Variants in UPB1 observed in about 807,000 individuals in gnomAD.
UPB1 encodes beta-ureidopropionase.
UPB1 carries 40 observed loss-of-function variants against 49.1 expected under a neutral mutation model. That is an observed-to-expected ratio of 0.81 (90% CI 0.63 to 1.06). The LOEUF is 1.06. Among genes scored for constraint, UPB1 ranks in the 50% least tolerant of loss-of-function variants. UPB1 has a pLI of 0.00. For missense variants in UPB1, 499 were observed against 505.9 expected, an observed-to-expected ratio of 0.99 and a Z score of 0.13; for synonymous variants, 207 against 198.2, an observed-to-expected ratio of 1.04 and a Z score of -0.38.
chr22:24,498,027 G>A (rs1302621283), intron 1 of UPB1, among the ~76,000 whole-genome samples: 2 of 152,128 alleles, frequency 1.3e-5, no homozygotes, highest in Non-Finnish European at 2.9e-5. Context: ...TAAACCACAT[G>A]AATTTATTCC....
At chr22:24,502,519 C>T (rs1170217708) in intron 3 of UPB1, 1 of 779,914 alleles carries the variant, frequency 1.3e-6, no homozygotes, top group Non-Finnish European at 2.4e-6. Flanking sequence ...CAGCTGGTCT[C>T]CTGTGCCCTC....
chr22:24,497,077 G>T (rs1384588313), intron 1 of UPB1, among the ~76,000 whole-genome samples: 1 of 152,080 alleles, frequency 6.6e-6, no homozygotes, highest in East Asian at 1.9e-4. Flanking sequence ...GTTTTTCAAC[G>T]GGAGAGACTC....
At chr22:24,507,030 C>A (rs1281809892) in intron 3 of UPB1, among the ~76,000 whole-genome samples, 1 of 152,128 alleles carries the variant, frequency 6.6e-6, no homozygotes, top group Non-Finnish European at 1.5e-5. Flanking sequence ...GCATGTGGAA[C>A]CTCGTCCCCT....
intron 5 of UPB1, 25 bp downstream of exon 5, chr22:24,513,510 C>G (rs369558426): frequency 1.2e-6 from 2 of 1,610,530 alleles, no homozygotes; most frequent in East Asian, 2.2e-5. Context: ...AGATAGATAA[C>G]CAGCCCTGCT....
At chr22:24,511,614 A>ATTT (rs202129656) in intron 4 of UPB1, among the ~76,000 whole-genome samples, 32,049 of 118,450 alleles carry the variant, frequency 0.27, 5,181 homozygotes, top group Non-Finnish European at 0.33. Flanking sequence ...ATATATATAT[A>ATTT]TATATTTTTT....
intron 3 of UPB1, among the ~76,000 whole-genome samples, chr22:24,504,745 T>TG (rs2044056809): frequency 7.1e-6 from 1 of 140,244 alleles, no homozygotes; most frequent in Non-Finnish European, 1.5e-5. Flanking sequence ...TTTTTTTTTT[T>TG]GATACGTGGT....
chr22:24,502,156 A>G lies in UPB1; in HGVS notation c.307A>G (p.Ile103Val), dbSNP rs749037327. Residue 103 changes from isoleucine (I) to valine (V), a missense_variant, in exon 3 of 10, where the codon ATC (isoleucine) becomes GTC (valine). Physicochemically the swap from Ile to Val is conservative, Grantham distance 29 (BLOSUM62 3). Transcript: ENST00000326010. ...TGCCCTTCATAGACGCATAAAGGCT[A>G]TCGTAGAGGTGGCTGCAATGTGTGG... ...VSALHRRIKAIVEVAAMCGVN... is the reference protein window; with the variant it reads ...VSALHRRIKAVVEVAAMCGVN... 3 of 1,614,222 alleles carry G rather than the reference A, an allele frequency of 1.9e-6. No homozygotes were observed. The highest frequency in any genetic ancestry group is 1.7e-6 in the Non-Finnish European group (2 of 1,180,036).
intron 5 of UPB1, among the ~76,000 whole-genome samples, chr22:24,514,038 C>T (rs1414440009): frequency 6.6e-6 from 1 of 151,936 alleles, no homozygotes; most frequent in African/African-American, 2.4e-5. Flanking sequence ...GTTGGGGGGG[C>T]CATTTTGGTT....
At position 24,521,492 on chromosome 22, in the gene UPB1, T is replaced by A. The variant is rs139338113; in HGVS notation, c.874-494T>A. Among the ~76,000 whole-genome samples, 494 of 152,060 alleles carry A rather than the reference T, an allele frequency of 3.2e-3. 2 individuals carry two copies. The highest frequency in any genetic ancestry group is 9.7e-3 in the African/African-American group (402 of 41,476). On this transcript the variant is annotated intron_variant, in intron 7 of 9. Coordinates refer to ENST00000326010, the MANE Select transcript of UPB1 (RefSeq NM_016327.3). ...CTCCGTCTCCAAAATAAATAAATAA[T>A]TAAATAAATAAATAGAAAAGAAACC...
intron 6 of UPB1, among the ~76,000 whole-genome samples, chr22:24,516,225 A>T (rs2044290802): frequency 6.6e-6 from 1 of 152,138 alleles, no homozygotes. Context: ...AACACATAAC[A>T]AGTGTTTCGG....
rs1326203460 is a variant in UPB1 at position 24,523,619 on chromosome 22, C to T, written c.917C>T (p.Ala306Val). 1.2e-6 allele frequency: 2 copies of T among 1,614,126 alleles called. No homozygotes were observed. Among genetic ancestry groups the T allele is most frequent in the Admixed American group, 1.7e-5 (1 of 60,010 alleles). ...NEFTSGDGKK[A>V]HQDFGYFYGS... ...GATGTGTTTCTTTGTTCCTTTAAAGCTCACCAGGACTTTGGCTACTTTTAT... is the reference window on the plus strand; with the variant it reads ...GATGTGTTTCTTTGTTCCTTTAAAGTTCACCAGGACTTTGGCTACTTTTAT... Residue 306 changes from alanine to valine, a missense_variant and splice_region_variant, in exon 9 of 10, where the codon GCT becomes GTT. Ala to Val is a moderately conservative substitution (Grantham distance 64, BLOSUM62 0). Coordinates refer to ENST00000326010, the MANE Select transcript of UPB1 (RefSeq NM_016327.3).
intron 3 of UPB1, 53 bp from the exon 4 acceptor site, chr22:24,510,696 C>T (rs2044182794): frequency 6.4e-7 from 1 of 1,565,600 alleles, no homozygotes; most frequent in African/African-American, 1.4e-5. Context: ...TGAGGAGCCC[C>T]CCTCAGAGGC....
At chr22:24,509,568 C>G (rs1200912347) in intron 3 of UPB1, among the ~76,000 whole-genome samples, 2 of 151,892 alleles carry the variant, frequency 1.3e-5, no homozygotes, top group Admixed American at 6.6e-5. Context: ...TCTGAAGAAG[C>G]CTCCTTGTCA....
intron 3 of UPB1, among the ~76,000 whole-genome samples, chr22:24,510,161 A>AG (rs1333579050): frequency 2.7e-5 from 4 of 148,774 alleles, no homozygotes; most frequent in Non-Finnish European, 5.9e-5. Flanking sequence ...TGAACCTGGG[A>AG]GGGGGAGGTT....
rs1289692967 is a variant in UPB1, at chr22:24,522,504, G to A, written c.916+476G>A. On this transcript the variant is annotated intron_variant, in intron 8 of 9. Transcript: ENST00000326010. ...GCATATACCACCTCACCTCTGCTAAGAACCCTAAAGACTCCTTTCCCATGT... is the reference window on the plus strand; with the variant it reads ...GCATATACCACCTCACCTCTGCTAAAAACCCTAAAGACTCCTTTCCCATGT... Among the ~76,000 whole-genome samples, 3 of 152,248 alleles carry A rather than the reference G, an allele frequency of 2.0e-5. No individual in the cohort carries two copies. In the South Asian group the frequency reaches 6.2e-4, roughly 32 times the overall value.
intron 3 of UPB1, among the ~76,000 whole-genome samples, chr22:24,506,444 A>G (rs61228157): frequency 0.029 from 4,400 of 152,238 alleles, 114 homozygotes; most frequent in African/African-American, 0.064. Flanking sequence ...GATCTTCTCT[A>G]CTGCTAGCGG....
At chr22:24,522,465 G>A (rs748472072) in intron 8 of UPB1, among the ~76,000 whole-genome samples, 1 of 152,160 alleles carries the variant, frequency 6.6e-6, no homozygotes, top group African/African-American at 2.4e-5. Flanking sequence ...TCCATGGCTT[G>A]TTTTGATCCA....
chr22:24,518,024 G>C (rs1464344919), intron 6 of UPB1: 1 of 152,296 alleles, frequency 6.6e-6, no homozygotes, highest in Non-Finnish European at 1.5e-5. Flanking sequence ...AATTAGCCGG[G>C]CATGGTGGCA....
chr22:24,515,402 C>CT lies in UPB1; in HGVS notation c.791+33dup, dbSNP rs779583239. ...CAGTTGGTGGGGTCTGGGGGGCTTC[C>CT]TGGGGCCCAGCCAGCTAAAGCCCAA... On this transcript the variant is annotated intron_variant, in intron 6 of 9. Transcript: ENST00000326010. 30 of 1,613,760 alleles carry CT rather than the reference C, an allele frequency of 1.9e-5. No individual in the cohort carries two copies. In the Admixed American group the frequency reaches 4.5e-4, roughly 24 times the overall value.
Sources: gnomAD v4.1 joint callset for allele counts (sites outside exome capture counted in the v4.1 genomes callset) on GRCh38, gnomAD v4.1.1 for gene constraint, MANE v1.5 for transcripts, NCBI Gene and HGNC (gene_info 2026-07-23, HGNC 2026-07-21) for gene names.